Variants in TFDP2 observed in about 807,000 individuals in gnomAD.
The protein encoded by TFDP2 is transcription factor Dp-2 (E2F dimerization partner 2).
TFDP2 carries 17 observed loss-of-function variants against 59.3 expected under a neutral mutation model. The ratio of observed to expected loss-of-function variants is 0.29; its 90% CI spans 0.20 to 0.43. The LOEUF (loss-of-function observed/expected upper bound fraction) is 0.43. Ranked by LOEUF, TFDP2 falls within the 20% of genes least tolerant of loss-of-function variation. The pLI, the probability that TFDP2 is intolerant of heterozygous loss-of-function variation, is 1.00. For missense variants in TFDP2, 391 were observed against 528.8 expected, an observed-to-expected ratio of 0.74 and a Z score of 2.56; for synonymous variants, 180 against 194.7, an observed-to-expected ratio of 0.92 and a Z score of 0.63.
intron 2 of TFDP2, among the ~76,000 whole-genome samples, chr3:142,100,377 C>T (rs1560143506): frequency 2.6e-5 from 4 of 151,398 alleles, no homozygotes; most frequent in African/African-American, 2.4e-5. Flanking sequence ...ACCTCCTTCC[C>T]TTTTTTTTTC....
intron 1 of TFDP2, among the ~76,000 whole-genome samples, chr3:142,134,500 G>A (rs2062648565): frequency 6.6e-6 from 1 of 152,042 alleles, no homozygotes; most frequent in Non-Finnish European, 1.5e-5. Flanking sequence ...ATGAAAAATT[G>A]CTTTATTCTG....
chr3:142,121,153 A>T lies in TFDP2; in HGVS notation c.-92-19312T>A, dbSNP rs570926973. Among the ~76,000 whole-genome samples the T allele has an allele frequency of 4.5e-4, 69 of 152,266 alleles. No homozygotes were observed. The highest frequency in any genetic ancestry group is 1.5e-3 in the African/African-American group (64 of 41,546). On this transcript the variant is annotated intron_variant, in intron 1 of 12. Transcript: ENST00000489671. This position sits in a 1 kb window ranked among gnomAD's most constrained non-coding sequence, Gnocchi z 4.3. ...AAAGACTCACATTGAATGAATTTTTAAAAAGTCAGAAGTTTTAACCAGCAA... is the reference window on the plus strand; with the variant it reads ...AAAGACTCACATTGAATGAATTTTTTAAAAGTCAGAAGTTTTAACCAGCAA...
At chr3:142,005,924 C>G (rs1236712949) in intron 3 of TFDP2, among the ~76,000 whole-genome samples, 1 of 117,876 alleles carries the variant, frequency 8.5e-6, no homozygotes, top group African/African-American at 2.6e-5. Context: ...CATAACAGAA[C>G]AAATAATATA....
At chr3:142,029,858 A>C (rs1021500938) in intron 3 of TFDP2, among the ~76,000 whole-genome samples, 6 of 152,210 alleles carry the variant, frequency 3.9e-5, no homozygotes, top group African/African-American at 7.2e-5. Flanking sequence ...AACAGACAAA[A>C]GCCAAACAAA....
chr3:141,975,925 G>A (rs368002429), intron 7 of TFDP2, among the ~76,000 whole-genome samples: 1 of 151,900 alleles, frequency 6.6e-6, no homozygotes, highest in East Asian at 1.9e-4. Context: ...CTGTTGCCCA[G>A]GCTGGAGTGC....
At chr3:141,953,691 T>C (rs1936200502) in intron 11 of TFDP2, among the ~76,000 whole-genome samples, 1 of 151,906 alleles carries the variant, frequency 6.6e-6, no homozygotes, top group Non-Finnish European at 1.5e-5. Flanking sequence ...TGCAGGTTAG[T>C]TACATATGTA....
intron 3 of TFDP2, among the ~76,000 whole-genome samples, chr3:142,064,473 A>T (rs779030822): frequency 8.5e-5 from 13 of 152,198 alleles, no homozygotes; most frequent in Admixed American, 3.3e-4. Context: ...TATCACCTTT[A>T]TTAATCAGGG....
At chr3:141,970,428 T>C (rs1215629422) in intron 8 of TFDP2, among the ~76,000 whole-genome samples, 1 of 152,236 alleles carries the variant, frequency 6.6e-6, no homozygotes, top group East Asian at 1.9e-4. Flanking sequence ...ATCAAAGTAA[T>C]AGTACCACTT....
intron 1 of TFDP2, among the ~76,000 whole-genome samples, chr3:142,102,460 C>A (rs1396474452): frequency 6.6e-6 from 1 of 152,136 alleles, no homozygotes; most frequent in Non-Finnish European, 1.5e-5. Context: ...ATGAGAAATT[C>A]TTTGCAGTAG....
At chr3:142,090,025 A>T (rs1169395862) in intron 3 of TFDP2, among the ~76,000 whole-genome samples, 2 of 152,124 alleles carry the variant, frequency 1.3e-5, no homozygotes, top group African/African-American at 4.8e-5. Context: ...TACAACTCTC[A>T]TCTTGGGCCT....
Position 142,101,855 on chromosome 3 carries a change from A to T in TFDP2, c.-92-14T>A, listed in dbSNP as rs2061326715. On this transcript the variant is annotated splice_polypyrimidine_tract_variant and intron_variant, in intron 1 of 12. Coordinates refer to ENST00000489671, the MANE Select transcript of TFDP2 (RefSeq NM_001178139.2). Reference sequence around the variant, plus strand: ...TAAAAGAACAACCTGTTAAAGGAAAACAGAGGGAATAGTAATGTAATAATA... The same window carrying T: ...TAAAAGAACAACCTGTTAAAGGAAATCAGAGGGAATAGTAATGTAATAATA... 1.7e-6 allele frequency: 1 copy of T among 585,308 alleles called. No individual in the cohort carries two copies. The highest frequency in any genetic ancestry group is 3.3e-5 in the Admixed American group (1 of 30,422). The allele number at this position is 585,308 out of a possible 1,614,324, so 36.3% of individuals were successfully genotyped here.
chr3:141,992,745 A>G (rs1383638580), intron 6 of TFDP2, among the ~76,000 whole-genome samples: 1 of 152,210 alleles, frequency 6.6e-6, no homozygotes, highest in Non-Finnish European at 1.5e-5. Context: ...CACATCCTTT[A>G]TACATATTCC....
intron 1 of TFDP2, among the ~76,000 whole-genome samples, chr3:142,133,939 C>T (rs1217821406): frequency 6.6e-6 from 1 of 151,298 alleles, no homozygotes. Context: ...AACTGTAAGG[C>T]AGAAGAATCA....
intron 1 of TFDP2, among the ~76,000 whole-genome samples, chr3:142,140,180 C>T (rs943405960): frequency 6.6e-6 from 1 of 152,142 alleles, no homozygotes; most frequent in Non-Finnish European, 1.5e-5. Context: ...CTTGTGCATG[C>T]CTCACGAAGT....
At chr3:141,979,429 C>A (rs995324082) in intron 6 of TFDP2, among the ~76,000 whole-genome samples, 1 of 152,176 alleles carries the variant, frequency 6.6e-6, no homozygotes, top group Non-Finnish European at 1.5e-5. Flanking sequence ...AAGCCTCAGG[C>A]AATCCTTCAG....
intron 3 of TFDP2, among the ~76,000 whole-genome samples, chr3:142,017,474 C>G (rs558068049): frequency 6.6e-6 from 1 of 151,988 alleles, no homozygotes; most frequent in Non-Finnish European, 1.5e-5. Context: ...TCCTTAGTGA[C>G]AGCTGTGGTG....
intron 3 of TFDP2, among the ~76,000 whole-genome samples, chr3:142,016,163 C>T (rs1945118579): frequency 6.6e-6 from 1 of 151,292 alleles, no homozygotes; most frequent in Non-Finnish European, 1.5e-5. Flanking sequence ...AGGGGCCTGC[C>T]ACCACACCTA....
chr3:142,039,654 T>C (rs978912062), intron 3 of TFDP2, among the ~76,000 whole-genome samples: 1 of 151,878 alleles, frequency 6.6e-6, no homozygotes, highest in Admixed American at 6.6e-5. Flanking sequence ...ACCCCTGGGG[T>C]TCAAATGAAC....
intron 4 of TFDP2, among the ~76,000 whole-genome samples, chr3:142,003,558 G>A (rs1207149230): frequency 6.6e-6 from 1 of 152,162 alleles, no homozygotes; most frequent in Non-Finnish European, 1.5e-5. Context: ...GAATTTTGGA[G>A]GGACACATTC....
Sources: gnomAD v4.1 joint callset for allele counts (sites outside exome capture counted in the v4.1 genomes callset) on GRCh38, gnomAD v4.1.1 for gene constraint, Gnocchi (gnomAD v3.1) non-coding constraint, MANE v1.5 for transcripts, NCBI Gene and HGNC (gene_info 2026-07-23, HGNC 2026-07-21) for gene names.